Variants in SSBP2 observed in about 807,000 individuals in gnomAD.
The protein encoded by SSBP2 is single-stranded DNA-binding protein 2.
In SSBP2, 17 loss-of-function variants were observed where a neutral mutation model predicts 61.8. The ratio of observed to expected loss-of-function variants is 0.28; its 90% CI spans 0.19 to 0.41. The LOEUF is 0.41. Ranked by LOEUF, SSBP2 falls within the 10% of genes least tolerant of loss-of-function variation. The probability of loss-of-function intolerance (pLI) is 1.00; values close to 1 mark genes in which losing one functional copy is unlikely to be tolerated. For missense variants in SSBP2, 310 were observed against 458.7 expected (o/e 0.68, Z 2.96); for synonymous variants, 139 against 141.3 (o/e 0.98, Z 0.12).
At chr5:81,633,060 T>C (rs1747872461) in intron 3 of SSBP2, among the ~76,000 whole-genome samples, 1 of 151,734 alleles carries the variant, frequency 6.6e-6, no homozygotes, top group Admixed American at 6.6e-5. Context: ...TTTTCTATTA[T>C]GCTACACTCT....
Position 81,589,927 on chromosome 5 carries a change from T to C in SSBP2, c.282+25546A>G, listed in dbSNP as rs557441550. Among the ~76,000 whole-genome samples the C allele has an allele frequency of 1.2e-4, 18 of 152,196 alleles. No individual in the cohort carries two copies. The East Asian group carries it at 3.3e-3, about 28-fold the overall frequency. ...CAGCCCCCTTTATGATTAGCATTAA[T>C]CCATTCATGAGGGTGGAGCTCTCAT... is the stretch of plus-strand genomic sequence containing the variant. On this transcript the variant is annotated intron_variant, in intron 4 of 16. Transcript: ENST00000320672.
At chr5:81,745,845 G>C (rs1431280006) in intron 1 of SSBP2, among the ~76,000 whole-genome samples, 1 of 151,974 alleles carries the variant, frequency 6.6e-6, no homozygotes, top group African/African-American at 2.4e-5. Flanking sequence ...CAACTACTGA[G>C]GTGAAGTATT....
intron 4 of SSBP2, among the ~76,000 whole-genome samples, chr5:81,520,457 G>A (rs1051409550): frequency 7.2e-5 from 11 of 152,036 alleles, no homozygotes; most frequent in African/African-American, 2.7e-4. Flanking sequence ...GAATATTACA[G>A]TAATTCAATG....
Position 81,428,660 on chromosome 5 carries a change from C to G in SSBP2, c.981G>C (p.Leu327=). ...CCCTTGGAGTGCCCGGTTGATTACT[C>G]AGGCTCATATTATTGGGAGAATTCT... The change falls in exon 16 of 17, where the codon CTG becomes CTC. Residue 327 remains leucine (L), a synonymous_variant. Coordinates refer to ENST00000320672, the MANE Select transcript of SSBP2 (RefSeq NM_012446.5). The G allele has an allele frequency of 6.2e-7, 1 of 1,613,174 alleles. No homozygotes were observed. Among genetic ancestry groups the G allele is most frequent in the Non-Finnish European group, 8.5e-7 (1 of 1,179,410 alleles).
At chr5:81,534,046 T>G (rs1770617653) in intron 4 of SSBP2, among the ~76,000 whole-genome samples, 1 of 152,076 alleles carries the variant, frequency 6.6e-6, no homozygotes, top group Non-Finnish European at 1.5e-5. Context: ...CTGCTATGGT[T>G]TTATCAGAGC....
intron 1 of SSBP2, chr5:81,750,691 C>G (rs1041755083): frequency 2.1e-6 from 1 of 468,510 alleles, no homozygotes; most frequent in Non-Finnish European, 3.8e-6. Flanking sequence ...GGTTATTTCC[C>G]TCAATCACCC....
chr5:81,437,014 G>A (rs1020063583), intron 15 of SSBP2, among the ~76,000 whole-genome samples: 7 of 152,094 alleles, frequency 4.6e-5, no homozygotes, highest in Non-Finnish European at 7.4e-5. Context: ...AATTGGATAC[G>A]TAAATGCAAT....
At chr5:81,441,137 T>C (rs376392407) in intron 13 of SSBP2, among the ~76,000 whole-genome samples, 16 of 152,264 alleles carry the variant, frequency 1.1e-4, no homozygotes, top group African/African-American at 3.9e-4. Flanking sequence ...TACATTTCAT[T>C]CCTTGGGGAT....
chr5:81,634,435 G>A (rs1175075116), intron 3 of SSBP2, among the ~76,000 whole-genome samples: 1 of 152,076 alleles, frequency 6.6e-6, no homozygotes, highest in Non-Finnish European at 1.5e-5. Context: ...TAAGATGTAC[G>A]AAATCAAGCT....
chr5:81,514,289 A>G (rs1042920593), intron 4 of SSBP2, among the ~76,000 whole-genome samples: 4 of 152,102 alleles, frequency 2.6e-5, no homozygotes, highest in Non-Finnish European at 5.9e-5. Flanking sequence ...TAAATAAGGG[A>G]TTGAATAGGA....
At chr5:81,542,751 C>T (rs1771375879) in intron 4 of SSBP2, among the ~76,000 whole-genome samples, 1 of 150,784 alleles carries the variant, frequency 6.6e-6, no homozygotes, top group South Asian at 2.1e-4. Context: ...GGGTGGCTTC[C>T]CCTATGCTGT....
chr5:81,536,774 T>C lies in SSBP2; in HGVS notation c.283-23057A>G, dbSNP rs182201493. The stretch of plus-strand genomic sequence containing the variant: ...GTGTTGCTATATCTTAAAAATATTG[T>C]ACTTTGGGAGGCCAAGGAGGGCGGA... On this transcript the variant is annotated intron_variant, in intron 4 of 16. Coordinates refer to ENST00000320672, the MANE Select transcript of SSBP2 (RefSeq NM_012446.5). Among the ~76,000 whole-genome samples, 415 of 152,178 alleles carry C rather than the reference T, an allele frequency of 2.7e-3. 5 individuals are homozygous for C. Among genetic ancestry groups the C allele is most frequent in the Admixed American group, 0.024 (365 of 15,270 alleles).
chr5:81,715,645 A>G (rs2153953322), intron 1 of SSBP2, among the ~76,000 whole-genome samples: 1 of 152,372 alleles, frequency 6.6e-6, no homozygotes, highest in South Asian at 2.1e-4. Context: ...ACTACATGGC[A>G]AAACTATAAA....
At chr5:81,676,347 A>G (rs1415909671) in intron 1 of SSBP2, among the ~76,000 whole-genome samples, 1 of 152,124 alleles carries the variant, frequency 6.6e-6, no homozygotes, top group Non-Finnish European at 1.5e-5. Context: ...AGATGATGTG[A>G]AAGTGTTATT....
chr5:81,425,165 A>T (rs1315963163), intron 16 of SSBP2, among the ~76,000 whole-genome samples: 2 of 152,228 alleles, frequency 1.3e-5, no homozygotes, highest in African/African-American at 2.4e-5. Flanking sequence ...CAGTTCATGT[A>T]CCATAAAATC....
chr5:81,546,824 C>T (rs1009306600), intron 4 of SSBP2, among the ~76,000 whole-genome samples: 1 of 151,702 alleles, frequency 6.6e-6, no homozygotes, highest in South Asian at 2.1e-4. Context: ...AAGAAACCTG[C>T]CTTCTAACAC....
At chr5:81,443,218 A>G (rs6452407) in intron 12 of SSBP2, 68,615 of 151,950 alleles carry the variant, frequency 0.45, 18,850 homozygotes, top group African/African-American at 0.78. Flanking sequence ...GTAAGAGTAT[A>G]CAATTAGAAT....
At chr5:81,636,982 C>T (rs991863682) in intron 2 of SSBP2, among the ~76,000 whole-genome samples, 1 of 152,162 alleles carries the variant, frequency 6.6e-6, no homozygotes, top group Non-Finnish European at 1.5e-5. Flanking sequence ...CTAAGAGATG[C>T]TCTAGAGGGA....
chr5:81,566,510 T>TC (rs560135923), intron 4 of SSBP2, among the ~76,000 whole-genome samples: 31 of 152,286 alleles, frequency 2.0e-4, no homozygotes, highest in Admixed American at 5.9e-4. Flanking sequence ...TTGTGAGGCT[T>TC]CCCCAGCTAC....
Sources: gnomAD v4.1 joint callset for allele counts (sites outside exome capture counted in the v4.1 genomes callset) on GRCh38, gnomAD v4.1.1 for gene constraint, MANE v1.5 for transcripts, NCBI Gene and HGNC (gene_info 2026-07-23, HGNC 2026-07-21) for gene names.